Variants in TRIQK observed in about 807,000 individuals in gnomAD.
The protein encoded by TRIQK is triple QxxK/R motif containing.
Under a neutral mutation model 10.8 loss-of-function variants are expected in TRIQK, and 10 were observed. The observed-to-expected ratio is 0.92, with a 90% CI of 0.57 to 1.57. The LOEUF is 1.57. Ranked by LOEUF, TRIQK falls within the 40% of genes most tolerant of loss-of-function variation. The pLI is 0.00. For synonymous variants in TRIQK, 33 were observed against 33.7 expected, an observed-to-expected ratio of 0.98 and a Z score of 0.07; for missense variants, 107 against 97.7, an observed-to-expected ratio of 1.09 and a Z score of -0.40.
chr8:92,969,014 C>T (rs1445352983), upstream of TRIQK, among the ~76,000 whole-genome samples: 1 of 152,180 alleles, frequency 6.6e-6, no homozygotes, highest in Non-Finnish European at 1.5e-5. Flanking sequence ...CAGTTTCCTG[C>T]ATATAGCTAG....
At chr8:92,892,420 AT>A (rs767494910) in intron 3 of TRIQK, among the ~76,000 whole-genome samples, 3 of 151,990 alleles carry the variant, frequency 2.0e-5, no homozygotes, top group Non-Finnish European at 4.4e-5. Flanking sequence ...GTAAGATCCT[AT>A]TAACAGCTAA....
At chr8:93,006,034 CA>C (rs58693078) in intron 1 of TRIQK, among the ~76,000 whole-genome samples, 33,598 of 130,710 alleles carry the variant, frequency 0.26, 3,834 homozygotes, top group South Asian at 0.32. Flanking sequence ...AAAAAATAAG[CA>C]AAAAAAAAAA....
upstream of TRIQK, among the ~76,000 whole-genome samples, chr8:92,967,686 G>T (rs1812807323): frequency 6.6e-6 from 1 of 151,730 alleles, no homozygotes; most frequent in East Asian, 1.9e-4. Flanking sequence ...GGCAGGCATG[G>T]TGGCAGGCAC....
At chr8:92,938,273 T>G (rs1027176811) in intron 2 of TRIQK, among the ~76,000 whole-genome samples, 8 of 151,458 alleles carry the variant, frequency 5.3e-5, no homozygotes, top group African/African-American at 1.7e-4. Flanking sequence ...TTAATTGAGA[T>G]ATATATATAT....
chr8:92,913,019 A>C (rs1168585430), intron 3 of TRIQK, among the ~76,000 whole-genome samples: 2 of 152,118 alleles, frequency 1.3e-5, no homozygotes, highest in Non-Finnish European at 2.9e-5. Flanking sequence ...AAAACTACTG[A>C]CCACTATTCT....
chr8:92,977,160 A>ATAC, intron 1 of TRIQK, among the ~76,000 whole-genome samples: 1 of 151,952 alleles, frequency 6.6e-6, no homozygotes, highest in African/African-American at 2.4e-5. Flanking sequence ...TTTTGTATGA[A>ATAC]GTGTGCTTTC....
At chr8:92,947,372 C>T (rs1253690469) in intron 2 of TRIQK, among the ~76,000 whole-genome samples, 5 of 151,302 alleles carry the variant, frequency 3.3e-5, no homozygotes, top group Non-Finnish European at 4.4e-5. Context: ...CACCTGAGGT[C>T]GGGAGTTCGA....
chr8:92,954,738 T>C (rs1038067887), intron 1 of TRIQK, among the ~76,000 whole-genome samples, 174 bp from the exon 2 acceptor site: 1 of 151,902 alleles, frequency 6.6e-6, no homozygotes, highest in African/African-American at 2.4e-5. Context: ...TGGAAAATGT[T>C]GCATATTATG....
At chr8:92,949,539 G>A (rs201415727) in intron 2 of TRIQK, among the ~76,000 whole-genome samples, 1 of 101,988 alleles carries the variant, frequency 9.8e-6, no homozygotes, top group East Asian at 3.1e-4. Flanking sequence ...AAAGAAGGAA[G>A]GAAGGAAGGA....
intron 2 of TRIQK, among the ~76,000 whole-genome samples, chr8:92,939,724 A>G (rs1445915369): frequency 6.6e-6 from 1 of 152,132 alleles, no homozygotes; most frequent in Non-Finnish European, 1.5e-5. Flanking sequence ...TCCCACCTCT[A>G]TGCATTTGGG....
intron 2 of TRIQK, among the ~76,000 whole-genome samples, chr8:92,927,718 C>T (rs1382039851): frequency 6.6e-6 from 1 of 151,918 alleles, no homozygotes; most frequent in African/African-American, 2.4e-5. Flanking sequence ...GGTGAGGACA[C>T]AAAGAAAGAC....
At chr8:92,907,835 C>T (rs1809361286) in intron 3 of TRIQK, among the ~76,000 whole-genome samples, 1 of 151,864 alleles carries the variant, frequency 6.6e-6, no homozygotes, top group Admixed American at 6.6e-5. Context: ...TATGTACATA[C>T]AAAGATAGCT....
intron 1 of TRIQK, among the ~76,000 whole-genome samples, chr8:93,005,085 A>C (rs1813254552): frequency 6.6e-6 from 1 of 152,230 alleles, no homozygotes. Flanking sequence ...CTCTGATGCC[A>C]ATTTTCTGGA....
At chr8:92,930,390 C>CAAAAAAAAAAAAAA (rs66513185) in intron 2 of TRIQK, among the ~76,000 whole-genome samples, 1 of 47,136 alleles carries the variant, frequency 2.1e-5, no homozygotes, top group Non-Finnish European at 3.6e-5. Context: ...ACTAGGTCTC[C>CAAAAAAAAAAAAAA]AAAAAAAAAA....
intron 3 of TRIQK, among the ~76,000 whole-genome samples, chr8:92,892,962 AG>A (rs1036933745): frequency 1.2e-4 from 19 of 152,128 alleles, no homozygotes; most frequent in Admixed American, 1.2e-3. Context: ...TTTTATTCTC[AG>A]GAGGAGTTAA....
intron 3 of TRIQK, among the ~76,000 whole-genome samples, chr8:92,913,522 G>C (rs888397929): frequency 2.0e-5 from 3 of 152,166 alleles, no homozygotes. Flanking sequence ...CTGTTGGTGG[G>C]AGTGCCAATT....
intron 2 of TRIQK, among the ~76,000 whole-genome samples, chr8:92,946,934 T>C (rs917473708): frequency 1.3e-5 from 2 of 151,582 alleles, no homozygotes; most frequent in Admixed American, 6.6e-5. Flanking sequence ...TAATTTTTTG[T>C]TTTTGTATTT....
intron 1 of TRIQK, among the ~76,000 whole-genome samples, chr8:92,989,242 T>C (rs1813068655): frequency 6.6e-6 from 1 of 152,114 alleles, no homozygotes; most frequent in African/African-American, 2.4e-5. Flanking sequence ...TAGAAGAAAT[T>C]AGGGCTAGAA....
At chr8:92,988,924 A>T (rs1037064009) in intron 1 of TRIQK, among the ~76,000 whole-genome samples, 1 of 152,184 alleles carries the variant, frequency 6.6e-6, no homozygotes, top group Non-Finnish European at 1.5e-5. Flanking sequence ...CAACTAAAAC[A>T]TGGCAGTGTT....
Sources: allele counts gnomAD v4.1 joint callset (sites outside exome capture counted in the v4.1 genomes callset), GRCh38; gene constraint gnomAD v4.1.1; transcripts MANE v1.5; gene names NCBI Gene and HGNC (gene_info 2026-07-23, HGNC 2026-07-21).